The following ERAP1 variants were observed in gnomAD, a reference collection of about 807,000 sequenced individuals.
The protein encoded by ERAP1 is endoplasmic reticulum aminopeptidase 1, also known as adipocyte-derived leucine aminopeptidase.
A neutral mutation model predicts 103.7 loss-of-function variants in ERAP1; 86 were observed. The ratio of observed to expected loss-of-function variants is 0.83; its 90% CI spans 0.70 to 0.99. ERAP1 has a LOEUF of 0.99. ERAP1 is among the 50% of genes least tolerant of loss of function. ERAP1 has a pLI of 0.00. For synonymous variants in ERAP1, 398 were observed against 402.4 expected, an observed-to-expected ratio of 0.99 and a Z score of 0.13; for missense variants, 1,009 against 1,128.4, an observed-to-expected ratio of 0.89 and a Z score of 1.52.
rs1016429403 is a variant in ERAP1, at chr5:96,775,183, C to G, written c.*1213G>C. On this transcript the variant is annotated 3_prime_UTR_variant, in exon 19 of 19. Transcript: ENST00000443439. ...TCCGTTGGTTTACCATGTTAGTAAACTGTGCTTTCTATTATTATCATCTAT... is the reference window on the plus strand; with the variant it reads ...TCCGTTGGTTTACCATGTTAGTAAAGTGTGCTTTCTATTATTATCATCTAT... The G allele has an allele frequency of 1.0e-6, 1 of 985,366 alleles. No individual in the cohort carries two copies. Among genetic ancestry groups the G allele is most frequent in the Non-Finnish European group, 1.2e-6 (1 of 829,926 alleles). The allele number at this position is 985,366 out of a possible 1,614,324, so 61.0% of individuals were successfully genotyped here.
the ERAP1 span, among the ~76,000 whole-genome samples, chr5:96,864,531 G>GAT: frequency 1.6e-4 from 25 of 152,082 alleles, no homozygotes; most frequent in Admixed American, 5.9e-4. Context: ...AAAATACACA[G>GAT]ATATATTCCA....
chr5:96,907,979 A>C, the ERAP1 span, among the ~76,000 whole-genome samples: 1 of 152,188 alleles, frequency 6.6e-6, no homozygotes, highest in East Asian at 1.9e-4. Context: ...AAAAATTTCC[A>C]TAAGTCTGTT....
chr5:96,933,509 CTT>C, the ERAP1 span, among the ~76,000 whole-genome samples: 7 of 152,110 alleles, frequency 4.6e-5, 1 homozygote, highest in South Asian at 4.1e-4. Context: ...TCATTTGTCT[CTT>C]TGTCAAAGAA....
At chr5:96,881,715 A>G in the ERAP1 span, among the ~76,000 whole-genome samples, 1 of 152,208 alleles carries the variant, frequency 6.6e-6, no homozygotes, top group South Asian at 2.1e-4. Flanking sequence ...AATACTTGCA[A>G]GATGATTGCT....
At chr5:96,873,202 T>C in the ERAP1 span, 1 of 375,420 alleles carries the variant, frequency 2.7e-6, no homozygotes, top group Non-Finnish European at 5.4e-6. Flanking sequence ...AAAAAAATCA[T>C]GAAAATTCGT....
At chr5:96,813,544 T>C in the ERAP1 span, among the ~76,000 whole-genome samples, 5 of 146,110 alleles carry the variant, frequency 3.4e-5, no homozygotes, top group African/African-American at 7.6e-5. Context: ...TCCCAGTTAC[T>C]TGGGAGGCTG....
chr5:96,892,504 A>G, the ERAP1 span: 1 of 1,598,444 alleles, frequency 6.3e-7, no homozygotes, highest in Non-Finnish European at 8.6e-7. Context: ...ATAACATTAT[A>G]TAGAACACGA....
chr5:96,909,837 T>C, the ERAP1 span: 2 of 1,479,880 alleles, frequency 1.4e-6, no homozygotes, highest in South Asian at 1.2e-5. Context: ...AGCAAGACAT[T>C]AGGTCTAAAA....
At chr5:96,895,134 A>G in the ERAP1 span, 3 of 627,564 alleles carry the variant, frequency 4.8e-6, 1 homozygote. Flanking sequence ...TAGCAAAGAG[A>G]GAAGAGAGAT....
At chr5:96,787,562 G>A (rs1776189616) in intron 11 of ERAP1, among the ~76,000 whole-genome samples, 4 of 152,078 alleles carry the variant, frequency 2.6e-5, no homozygotes, top group Admixed American at 2.6e-4. Context: ...CACTGTGACC[G>A]GCCATAAATG....
intron 11 of ERAP1, among the ~76,000 whole-genome samples, chr5:96,788,280 T>G (rs1366183034): frequency 1.3e-5 from 2 of 152,150 alleles, no homozygotes; most frequent in African/African-American, 4.8e-5. Flanking sequence ...TACCATCATA[T>G]CAAATTACAA....
At chr5:96,793,137 C>T (rs1776919656) in intron 7 of ERAP1, among the ~76,000 whole-genome samples, 1 of 152,096 alleles carries the variant, frequency 6.6e-6, no homozygotes, top group East Asian at 1.9e-4. Context: ...GCCATTATTT[C>T]TATTTCTTTG....
At chr5:96,906,148 C>A in the ERAP1 span, among the ~76,000 whole-genome samples, 2 of 151,632 alleles carry the variant, frequency 1.3e-5, no homozygotes, top group Non-Finnish European at 2.9e-5. Flanking sequence ...AGGGCTGTCT[C>A]CAGAGCCATT....
the ERAP1 span, among the ~76,000 whole-genome samples, chr5:96,860,395 G>A: frequency 6.6e-6 from 1 of 152,046 alleles, no homozygotes; most frequent in Non-Finnish European, 1.5e-5. Context: ...CACAGGATGT[G>A]TATTTATAAA....
At chr5:96,875,124 G>A in the ERAP1 span, among the ~76,000 whole-genome samples, 1 of 152,208 alleles carries the variant, frequency 6.6e-6, no homozygotes, top group East Asian at 1.9e-4. Context: ...ACTGCAAGAA[G>A]CTGAGCTTGA....
chr5:96,791,921 G>C (rs910487337), intron 8 of ERAP1, 140 bp downstream of exon 8: 2 of 809,882 alleles, frequency 2.5e-6, no homozygotes, highest in African/African-American at 3.4e-5. Context: ...AGTCCTAAAA[G>C]AGTTGACTCC....
At chr5:96,898,648 G>A in the ERAP1 span, among the ~76,000 whole-genome samples, 81,158 of 150,406 alleles carry the variant, frequency 0.54, 21,981 homozygotes, top group Admixed American at 0.58. Context: ...GTTGAGGCAG[G>A]AGAATCACTT....
chr5:96,817,338 C>A, the ERAP1 span, among the ~76,000 whole-genome samples: 9 of 152,280 alleles, frequency 5.9e-5, no homozygotes, highest in South Asian at 1.9e-3. Flanking sequence ...ACTAACCAAG[C>A]ATCAGTTAGC....
the ERAP1 span, among the ~76,000 whole-genome samples, chr5:96,877,857 C>CTTTA: frequency 0.52 from 79,123 of 151,694 alleles, 20,771 homozygotes; most frequent in South Asian, 0.61. Flanking sequence ...GGAGAAGTAT[C>CTTTA]TTTAATATTA....
Sources: gnomAD v4.1 joint callset for allele counts (sites outside exome capture counted in the v4.1 genomes callset) on GRCh38, gnomAD v4.1.1 for gene constraint, MANE v1.5 for transcripts, NCBI Gene and HGNC (gene_info 2026-07-23, HGNC 2026-07-21) for gene names.